The following NEMF variants were observed in gnomAD, a reference collection of about 807,000 sequenced individuals.
NEMF encodes nuclear export mediator factor.
In NEMF, 89 loss-of-function variants were observed where a neutral mutation model predicts 162.2. The observed-to-expected ratio is 0.55, with a 90% CI of 0.46 to 0.65. NEMF has a LOEUF of 0.65. Among genes scored for constraint, NEMF ranks in the 30% least tolerant of loss-of-function variants. NEMF has a pLI of 0.00. For missense variants in NEMF, 1,133 were observed against 1,261.9 expected, an observed-to-expected ratio of 0.90 and a Z score of 1.55; for synonymous variants, 421 against 404.5, an observed-to-expected ratio of 1.04 and a Z score of -0.49.
At position 49,785,007 on chromosome 14, in the gene NEMF, G is replaced by C. The variant is rs1180979894; in HGVS notation, c.3074-3C>G. 1.2e-6 allele frequency: 2 copies of C among 1,612,704 alleles called. No individual in the cohort carries two copies. Among genetic ancestry groups the C allele is most frequent in the Admixed American group, 1.7e-5 (1 of 59,924 alleles). On this transcript the variant is annotated splice_region_variant and splice_polypyrimidine_tract_variant and intron_variant, in intron 31 of 32. Coordinates refer to ENST00000298310, the MANE Select transcript of NEMF (RefSeq NM_004713.6). ...ACTATTCAAGGCTGTTTTTGCAGCTGTAAATACAAAAAAGAGTAAGAATAA... is the reference window on the plus strand; with the variant it reads ...ACTATTCAAGGCTGTTTTTGCAGCTCTAAATACAAAAAAGAGTAAGAATAA...
At chr14:49,802,372 G>C (rs1402553795) in intron 22 of NEMF, 81 bp downstream of exon 22, 1 of 1,443,706 alleles carries the variant, frequency 6.9e-7, no homozygotes, top group African/African-American at 1.4e-5. Flanking sequence ...ATCCCAAAGA[G>C]ACATGATCTT....
At chr14:49,843,121 C>G (rs999892974) in intron 4 of NEMF, among the ~76,000 whole-genome samples, 1 of 152,000 alleles carries the variant, frequency 6.6e-6, no homozygotes, top group Non-Finnish European at 1.5e-5. Flanking sequence ...ATAAAGAGCT[C>G]TAAGAGATCA....
chr14:49,831,460 CAG>C (rs1300573786), intron 10 of NEMF, 99 bp from the exon 11 acceptor site: 8 of 751,744 alleles, frequency 1.1e-5, no homozygotes, highest in South Asian at 7.9e-5. Flanking sequence ...TTTTTTGAGA[CAG>C]AGTCTCACTC....
intron 4 of NEMF, among the ~76,000 whole-genome samples, chr14:49,843,610 A>C (rs1443755943): frequency 6.6e-6 from 1 of 152,282 alleles, no homozygotes; most frequent in Non-Finnish European, 1.5e-5. Flanking sequence ...TGAACGTAAT[A>C]GAGTATACTT....
rs1889985580 is a variant in NEMF at position 49,783,036 on chromosome 14, T to C, written c.*1600A>G. Reference sequence around the variant, plus strand: ...CAGAGTGGCATCATTTGTATAATTATATGCATTGTTGTAGTTTGCACCTGT... The same window carrying C: ...CAGAGTGGCATCATTTGTATAATTACATGCATTGTTGTAGTTTGCACCTGT... On this transcript the variant is annotated 3_prime_UTR_variant, in exon 33 of 33. Transcript: ENST00000298310. 6 of 1,434,188 alleles carry C rather than the reference T, an allele frequency of 4.2e-6. No homozygotes were observed. The highest frequency in any genetic ancestry group is 1.9e-6 in the Non-Finnish European group (2 of 1,050,532). The allele number at this position is 1,434,188 out of a possible 1,614,324, so 88.8% of individuals were successfully genotyped here. A position where few individuals can be genotyped will look rare whatever the true frequency, so the allele number is the denominator to read the frequency against.
In NEMF at chr14:49,851,541, G is replaced by A. The variant is rs753262246; in HGVS notation, c.231+22C>T. 4 of 1,521,844 alleles carry A rather than the reference G, an allele frequency of 2.6e-6. No individual in the cohort carries two copies. In the Admixed American group the frequency reaches 6.8e-5, roughly 26 times the overall value. 94.3% of individuals were successfully genotyped at this position (1,521,844 alleles called of 1,614,324 possible). A position where few individuals can be genotyped will look rare whatever the true frequency, so the allele number is the denominator to read the frequency against. ...TTAGTGAGCAATCTCTTAAAATTTAGCTTCAAGCGTAACAAGTTTACCTTC... is the reference window on the plus strand; with the variant it reads ...TTAGTGAGCAATCTCTTAAAATTTAACTTCAAGCGTAACAAGTTTACCTTC... On this transcript the variant is annotated intron_variant, in intron 3 of 32. Transcript: ENST00000298310.
chr14:49,811,937 T>C (rs537352382), intron 18 of NEMF, among the ~76,000 whole-genome samples: 1 of 152,228 alleles, frequency 6.6e-6, no homozygotes, highest in Admixed American at 6.5e-5. Context: ...CCTTGTAGAA[T>C]GGGTTAGGAA....
At chr14:49,804,521 G>C (rs1891098086) in intron 19 of NEMF, among the ~76,000 whole-genome samples, 1 of 151,902 alleles carries the variant, frequency 6.6e-6, no homozygotes, top group Non-Finnish European at 1.5e-5. Context: ...ACTAAAATTA[G>C]CCAGGCGTGG....
intron 26 of NEMF, among the ~76,000 whole-genome samples, chr14:49,794,602 G>A (rs375548346): frequency 5.7e-4 from 71 of 125,386 alleles, no homozygotes; most frequent in Middle Eastern, 0.013. Flanking sequence ...CTGGGCAACA[G>A]AGCAAGACCC....
intron 17 of NEMF, among the ~76,000 whole-genome samples, chr14:49,814,494 C>G (rs937764502): frequency 1.3e-5 from 2 of 152,186 alleles, no homozygotes; most frequent in African/African-American, 4.8e-5. Flanking sequence ...ACTTTGAAGA[C>G]TGAAAGTTAT....
chr14:49,803,427 A>C (rs774517421), intron 19 of NEMF, 133 bp from the exon 20 acceptor site: 1 of 547,196 alleles, frequency 1.8e-6, no homozygotes, highest in African/African-American at 1.9e-5. Flanking sequence ...TTTCGTACAA[A>C]TTCTCAATAC....
intron 18 of NEMF, among the ~76,000 whole-genome samples, chr14:49,807,527 C>G (rs548415939): frequency 6.6e-6 from 1 of 151,834 alleles, no homozygotes; most frequent in South Asian, 2.1e-4. Context: ...ATCACCAACA[C>G]GTGTTATTGT....
intron 16 of NEMF, among the ~76,000 whole-genome samples, chr14:49,821,857 T>C (rs1250616652): frequency 3.3e-5 from 5 of 151,908 alleles, no homozygotes; most frequent in African/African-American, 9.7e-5. Flanking sequence ...GGCGGTTTTG[T>C]GGAATAGAAA....
intron 6 of NEMF, among the ~76,000 whole-genome samples, chr14:49,834,953 C>CT (rs962398221): frequency 3.3e-5 from 5 of 152,170 alleles, no homozygotes; most frequent in African/African-American, 9.7e-5. Flanking sequence ...AATCCCGGCA[C>CT]TTTGGGAGGC....
chr14:49,831,295 A>T lies in NEMF; in HGVS notation c.945+4T>A, dbSNP rs1216641344. The T allele has an allele frequency of 5.3e-6, 8 of 1,508,954 alleles. No individual in the cohort carries two copies. The highest frequency in any genetic ancestry group is 7.4e-6 in the Non-Finnish European group (8 of 1,085,160). 93.5% of individuals were successfully genotyped at this position (1,508,954 alleles called of 1,614,324 possible). A position where few individuals can be genotyped will look rare whatever the true frequency, so the allele number is the denominator to read the frequency against. Reference sequence around the variant, plus strand: ...GTTTAATATGTGTTTTTAATAATACATACCTGTTGTAAAGCTTTTAAGTCA... The same window carrying T: ...GTTTAATATGTGTTTTTAATAATACTTACCTGTTGTAAAGCTTTTAAGTCA... On this transcript the variant is annotated splice_donor_region_variant and intron_variant, in intron 11 of 32. Transcript: ENST00000298310.
At chr14:49,797,970 G>A (rs747759558) in intron 25 of NEMF, among the ~76,000 whole-genome samples, 18 of 152,166 alleles carry the variant, frequency 1.2e-4, no homozygotes, top group Non-Finnish European at 2.1e-4. Flanking sequence ...AAATGCGCAT[G>A]TCAGGTTAAC....
intron 26 of NEMF, among the ~76,000 whole-genome samples, chr14:49,789,967 A>T (rs570676789): frequency 1.3e-5 from 2 of 152,328 alleles, no homozygotes; most frequent in East Asian, 3.9e-4. Context: ...CTAGGCACTT[A>T]TTCTAGAGGC....
Position 49,828,358 on chromosome 14 carries a change from GA to G in NEMF, c.1425-5del. On this transcript the variant is annotated splice_region_variant and splice_polypyrimidine_tract_variant and intron_variant, in intron 14 of 32. Transcript: ENST00000298310. ...ATATCTCTTGTGATCATAATACCTA[GA>G]AAAACATATTTCTCTTAAATTTTAA... 1 of 1,539,978 alleles carries G rather than the reference GA, an allele frequency of 6.5e-7. No individual in the cohort carries two copies. The highest frequency in any genetic ancestry group is 8.9e-7 in the Non-Finnish European group (1 of 1,126,972).
chr14:49,845,292 C>T (rs1038745188), intron 4 of NEMF, among the ~76,000 whole-genome samples: 2 of 152,146 alleles, frequency 1.3e-5, no homozygotes, highest in African/African-American at 2.4e-5. Flanking sequence ...CGGGGTTTTG[C>T]CATGTTGGCC....
Sources: gnomAD v4.1 joint callset for allele counts (sites outside exome capture counted in the v4.1 genomes callset) on GRCh38, gnomAD v4.1.1 for gene constraint, MANE v1.5 for transcripts, NCBI Gene and HGNC (gene_info 2026-07-23, HGNC 2026-07-21) for gene names.